TMEM132C: variants seen among roughly 807,000 people sequenced by gnomAD.
TMEM132C encodes the protein transmembrane protein 132C, also known as protein phosphatase 1, regulatory subunit 152.
TMEM132C carries 29 observed loss-of-function variants against 61.4 expected under a neutral mutation model. The ratio of observed to expected loss-of-function variants is 0.47; its 90% CI spans 0.35 to 0.64. The LOEUF (loss-of-function observed/expected upper bound fraction) is 0.64, where lower values mean the gene tolerates loss of function less well. TMEM132C is among the 30% of genes least tolerant of loss of function. The probability of loss-of-function intolerance (pLI) is 0.00; values close to 1 mark genes in which losing one functional copy is unlikely to be tolerated. For synonymous variants in TMEM132C, 656 were observed against 633.1 expected, an observed-to-expected ratio of 1.04 and a Z score of -0.54; for missense variants, 1,408 against 1,476.9, an observed-to-expected ratio of 0.95 and a Z score of 0.76.
chr12:128,271,976 G>C (rs1870535835), intron 1 of TMEM132C, among the ~76,000 whole-genome samples: 1 of 152,206 alleles, frequency 6.6e-6, no homozygotes, highest in Non-Finnish European at 1.5e-5. Flanking sequence ...TGGAATAAAT[G>C]GAACATCTGA....
intron 2 of TMEM132C, among the ~76,000 whole-genome samples, chr12:128,496,097 A>G (rs1212590046): frequency 6.6e-6 from 1 of 152,012 alleles, no homozygotes; most frequent in Non-Finnish European, 1.5e-5. Flanking sequence ...TATGAAGCTT[A>G]GTTTGGCTGG....
chr12:128,267,723 G>A (rs1407713644), intron 1 of TMEM132C, among the ~76,000 whole-genome samples: 1 of 152,134 alleles, frequency 6.6e-6, no homozygotes, highest in African/African-American at 2.4e-5. Context: ...CTCCCACCCC[G>A]GACCCCCCAG....
intron 2 of TMEM132C, among the ~76,000 whole-genome samples, chr12:128,425,459 C>T (rs1593048826): frequency 6.6e-6 from 1 of 152,214 alleles, no homozygotes; most frequent in Non-Finnish European, 1.5e-5. Context: ...ACAGCAGAAT[C>T]GCTTCTCGAC....
rs527685725 is a variant in TMEM132C at position 128,464,520 on chromosome 12, G to A, written c.974+48900G>A. 9.2e-5 allele frequency among the ~76,000 whole-genome samples: 14 copies of A among 152,300 alleles called. No individual in the cohort carries two copies. The East Asian group carries it at 2.7e-3, about 29-fold the overall frequency. On this transcript the variant is annotated intron_variant, in intron 2 of 8. Coordinates refer to ENST00000435159, the MANE Select transcript of TMEM132C (RefSeq NM_001136103.3). Reference sequence around the variant, plus strand: ...CCCAGGACTTTGGGAGGCTGAAGCAGGAGGATCACTTGAGGCCAGGAGGAT... The same window carrying A: ...CCCAGGACTTTGGGAGGCTGAAGCAAGAGGATCACTTGAGGCCAGGAGGAT...
chr12:128,294,068 T>C (rs1871329379), intron 1 of TMEM132C: 1 of 154,768 alleles, frequency 6.5e-6, no homozygotes, highest in African/African-American at 2.4e-5. Context: ...TGCAGAGCAG[T>C]AGAAACTTCA....
At chr12:128,602,021 ATGT>A (rs551344362) in intron 3 of TMEM132C, among the ~76,000 whole-genome samples, 90 of 152,212 alleles carry the variant, frequency 5.9e-4, no homozygotes, top group African/African-American at 1.8e-3. Flanking sequence ...AGCCTGAGCA[ATGT>A]ACCGAGACCC....
intron 4 of TMEM132C, among the ~76,000 whole-genome samples, chr12:128,664,089 C>A (rs1954430996): frequency 6.7e-6 from 1 of 149,218 alleles, no homozygotes; most frequent in African/African-American, 2.5e-5. Context: ...CACAAGCACC[C>A]ACACGCACGC....
At chr12:128,500,361 T>A (rs181208872) in intron 2 of TMEM132C, among the ~76,000 whole-genome samples, 48 of 152,170 alleles carry the variant, frequency 3.2e-4, no homozygotes, top group African/African-American at 1.0e-3. Context: ...TCATTAAAAT[T>A]TTTTTAATTG....
At chr12:128,352,259 G>A (rs918422251) in intron 1 of TMEM132C, among the ~76,000 whole-genome samples, 1 of 152,162 alleles carries the variant, frequency 6.6e-6, no homozygotes, top group Non-Finnish European at 1.5e-5. Context: ...ATGGCAGAAG[G>A]GGGAGCAAAC....
At chr12:128,310,575 A>G (rs543306296) in intron 1 of TMEM132C, among the ~76,000 whole-genome samples, 1 of 152,128 alleles carries the variant, frequency 6.6e-6, no homozygotes, top group East Asian at 1.9e-4. Context: ...ACCACCTTCC[A>G]TGAACTCAGA....
Position 128,525,420 on chromosome 12 carries a change from C to T in TMEM132C, c.975-18537C>T, listed in dbSNP as rs149911102. Among the ~76,000 whole-genome samples, 587 of 152,184 alleles carry T rather than the reference C, an allele frequency of 3.9e-3. 2 individuals carry two copies. Among genetic ancestry groups the T allele is most frequent in the Non-Finnish European group, 6.6e-3 (450 of 68,008 alleles). ...TTAATAGCTATAGCAACTCCCCTGA[C>T]ACAATGAGAGATCAACCTCACACCT... is the stretch of plus-strand genomic sequence containing the variant. On this transcript the variant is annotated intron_variant, in intron 2 of 8. Coordinates refer to ENST00000435159, the MANE Select transcript of TMEM132C (RefSeq NM_001136103.3).
In TMEM132C at chr12:128,707,540, G is replaced by C. The variant is rs988685770; in HGVS notation, c.*1245G>C. ...TTTTGAACAGCATAATTGTGTAGCA[G>C]CACATTGCAAAAATGCATTCATCCA... On this transcript the variant is annotated 3_prime_UTR_variant, in exon 9 of 9. Transcript: ENST00000435159. The C allele has an allele frequency of 2.0e-5, 3 of 152,184 alleles. No individual in the cohort carries two copies. The highest frequency in any genetic ancestry group is 7.2e-5 in the African/African-American group (3 of 41,438). 9.4% of individuals were successfully genotyped at this position (152,184 alleles called of 1,614,324 possible). A position where few individuals can be genotyped will look rare whatever the true frequency, so the allele number is the denominator to read the frequency against.
chr12:128,670,674 C>T (rs1470113340), intron 5 of TMEM132C, among the ~76,000 whole-genome samples: 1 of 152,156 alleles, frequency 6.6e-6, no homozygotes, highest in African/African-American at 2.4e-5. Flanking sequence ...CCCACTCATC[C>T]CTTGATAGAC....
intron 3 of TMEM132C, among the ~76,000 whole-genome samples, chr12:128,550,557 G>A (rs1057245982): frequency 8.1e-4 from 123 of 152,028 alleles, no homozygotes; most frequent in African/African-American, 2.6e-3. Flanking sequence ...CACCTACCTC[G>A]GCCTCCCAAA....
At chr12:128,612,178 C>G (rs1876658898) in intron 3 of TMEM132C, among the ~76,000 whole-genome samples, 1 of 152,212 alleles carries the variant, frequency 6.6e-6, no homozygotes, top group African/African-American at 2.4e-5. Context: ...TCAGTCTGGT[C>G]TGACCTTTGC....
At chr12:128,471,014 A>G (rs1216643508) in intron 2 of TMEM132C, among the ~76,000 whole-genome samples, 1 of 152,190 alleles carries the variant, frequency 6.6e-6, no homozygotes, top group Non-Finnish European at 1.5e-5. Context: ...AGGGTTTCTC[A>G]ACCTTGGCAC....
chr12:128,318,113 C>G (rs529856290), intron 1 of TMEM132C, among the ~76,000 whole-genome samples: 71 of 152,212 alleles, frequency 4.7e-4, no homozygotes, highest in Admixed American at 1.2e-3. Context: ...GTGAAAAAAA[C>G]AGACACGGAT....
intron 4 of TMEM132C, among the ~76,000 whole-genome samples, chr12:128,628,869 G>C (rs1055109167): frequency 6.6e-6 from 1 of 152,188 alleles, no homozygotes; most frequent in African/African-American, 2.4e-5. Context: ...CTTATTGTTT[G>C]GTATATGATT....
intron 1 of TMEM132C, among the ~76,000 whole-genome samples, chr12:128,283,946 G>A (rs1870978050): frequency 6.6e-6 from 1 of 152,208 alleles, no homozygotes; most frequent in Admixed American, 6.5e-5. Flanking sequence ...GAAGCAGGAG[G>A]AAGAGGGGCA....
Sources: allele counts gnomAD v4.1 joint callset (sites outside exome capture counted in the v4.1 genomes callset), GRCh38; gene constraint gnomAD v4.1.1; transcripts MANE v1.5; gene names NCBI Gene and HGNC (gene_info 2026-07-23, HGNC 2026-07-21).